COBLL1: variants seen among roughly 807,000 people sequenced by gnomAD.
COBLL1 encodes the protein cordon-bleu WH2 repeat protein like 1.
Under a neutral mutation model 94.8 loss-of-function variants are expected in COBLL1, and 50 were observed. The observed-to-expected ratio is 0.53, with a 90% CI of 0.42 to 0.67. The LOEUF is 0.67. COBLL1 is among the 30% of genes least tolerant of loss of function. COBLL1 has a pLI of 0.00. For synonymous variants in COBLL1, 448 were observed against 473.8 expected (o/e 0.95, Z 0.71); for missense variants, 1,362 against 1,348.7 (o/e 1.01, Z -0.15).
chr2:164,821,755 C>T lies in COBLL1; in HGVS notation c.41+19401G>A, dbSNP rs1158041728. 2.0e-5 allele frequency among the ~76,000 whole-genome samples: 3 copies of T among 152,256 alleles called. 1 individual carries two copies. In the South Asian group the frequency reaches 6.2e-4, roughly 32 times the overall value. On this transcript the variant is annotated intron_variant, in intron 2 of 13. Transcript: ENST00000652658. ...TATCTCTGCATCTTACCTAGTAGAA[C>T]CTTTTCTAATGATTAAGGGCTGAAA...
chr2:164,728,235 C>A (rs755426456), intron 4 of COBLL1, 38 bp from the exon 5 acceptor site: 2 of 1,317,562 alleles, frequency 1.5e-6, no homozygotes, highest in African/African-American at 2.9e-5. Flanking sequence ...TACCATAATT[C>A]ACTGAAACAA....
At chr2:164,660,490 G>C (rs1691053787) in intron 2 of COBLL1, among the ~76,000 whole-genome samples, 1 of 152,134 alleles carries the variant, frequency 6.6e-6, no homozygotes, top group Non-Finnish European at 1.5e-5. Flanking sequence ...TCAAACTGAA[G>C]GCAAAGGAAG....
chr2:164,779,473 T>C (rs552897613), intron 2 of COBLL1, among the ~76,000 whole-genome samples: 3 of 152,244 alleles, frequency 2.0e-5, no homozygotes, highest in East Asian at 1.9e-4. Context: ...CCAAAACTGA[T>C]GAGGTCTTGA....
intron 2 of COBLL1, among the ~76,000 whole-genome samples, chr2:164,779,268 A>C (rs1688624508): frequency 6.6e-6 from 1 of 152,124 alleles, no homozygotes; most frequent in South Asian, 2.1e-4. Flanking sequence ...CAGGTTCTCT[A>C]ATGAGAAAGG....
chr2:164,688,159 A>G (rs985841724), intron 13 of COBLL1, among the ~76,000 whole-genome samples: 13 of 152,224 alleles, frequency 8.5e-5, no homozygotes, highest in Admixed American at 8.5e-4. Context: ...ATACATTTAC[A>G]TACTACAGAA....
intron 7 of COBLL1, 125 bp from the exon 8 acceptor site, chr2:164,705,230 A>T (rs541172468): frequency 1.6e-6 from 1 of 644,052 alleles, no homozygotes; most frequent in Middle Eastern, 2.7e-4. Context: ...ATTCCTTAAA[A>T]ACGTTTATGA....
chr2:164,785,873 G>C (rs1475017607), intron 2 of COBLL1, among the ~76,000 whole-genome samples: 1 of 150,114 alleles, frequency 6.7e-6, no homozygotes, highest in Non-Finnish European at 1.5e-5. Context: ...TGTCTCCTTT[G>C]ATTCAAAATA....
At chr2:164,705,703 G>T (rs1684552988) in intron 7 of COBLL1, among the ~76,000 whole-genome samples, 1 of 152,104 alleles carries the variant, frequency 6.6e-6, no homozygotes, top group African/African-American at 2.4e-5. Flanking sequence ...AAGAATGAAT[G>T]AATGAATGAA....
At chr2:164,761,800 T>A (rs1239599806) in intron 2 of COBLL1, among the ~76,000 whole-genome samples, 2 of 152,186 alleles carry the variant, frequency 1.3e-5, no homozygotes. Flanking sequence ...TTCCAAATCT[T>A]CACTCAAATT....
At position 164,799,042 on chromosome 2, in the gene COBLL1, G is replaced by T. The variant is rs541826439; in HGVS notation, c.41+42114C>A. 5.8e-4 allele frequency among the ~76,000 whole-genome samples: 57 copies of T among 98,738 alleles called. No homozygotes were observed. In the East Asian group the frequency reaches 0.015, roughly 25 times the overall value. 64.8% of individuals were successfully genotyped at this position (98,738 alleles called of 152,430 possible). ...CTCAAAAAAAAAAAAAAAAAAAGAG[G>T]GGGTAAGCAAGTGGTTGCTTACTCT... On this transcript the variant is annotated intron_variant, in intron 2 of 13. Coordinates refer to ENST00000652658, the MANE Select transcript of COBLL1 (RefSeq NM_001365672.2).
rs533535656 is a variant in COBLL1 at position 164,811,672 on chromosome 2, T to C, written c.41+29484A>G. ...AAAGTACATTTTTCAAACCCCTATC[T>C]GAAAGACATTTAGTGAAAGAATCGA... On this transcript the variant is annotated intron_variant, in intron 2 of 13. Coordinates refer to ENST00000652658, the MANE Select transcript of COBLL1 (RefSeq NM_001365672.2). Among the ~76,000 whole-genome samples, 6 of 151,850 alleles carry C rather than the reference T, an allele frequency of 4.0e-5. No individual in the cohort carries two copies. In the East Asian group the frequency reaches 9.7e-4, roughly 24 times the overall value.
intron 2 of COBLL1, among the ~76,000 whole-genome samples, chr2:164,803,770 G>A (rs974924856): frequency 6.6e-6 from 1 of 151,786 alleles, no homozygotes; most frequent in Non-Finnish European, 1.5e-5. Flanking sequence ...TTATACACAC[G>A]AAGACAGCCA....
rs146864861 is a variant in COBLL1 at position 164,715,272 on chromosome 2, C to T, written c.996+6803G>A. Among the ~76,000 whole-genome samples the T allele has an allele frequency of 5.2e-3, 793 of 152,176 alleles. 2 individuals are homozygous for T. The highest frequency in any genetic ancestry group is 8.7e-3 in the Non-Finnish European group (589 of 67,998). On this transcript the variant is annotated intron_variant, in intron 7 of 13. Coordinates refer to ENST00000652658, the MANE Select transcript of COBLL1 (RefSeq NM_001365672.2). ...CATTTCTCTACTGAATGAAACCAGT[C>T]ATATTTTTGGAAGTATAGACAGCTG...
intron 4 of COBLL1, 95 bp from the exon 5 acceptor site, chr2:164,728,292 T>A (rs1685818783): frequency 1.3e-6 from 1 of 744,696 alleles, no homozygotes; most frequent in East Asian, 2.6e-5. Flanking sequence ...TACAGTTACA[T>A]ATTCAAACAA....
intron 2 of COBLL1, among the ~76,000 whole-genome samples, chr2:164,805,324 T>TATA (rs1684052475): frequency 1.8e-5 from 1 of 57,058 alleles, no homozygotes; most frequent in Non-Finnish European, 3.5e-5. Flanking sequence ...TCTCTCTCTC[T>TATA]CTCTCTCTCT....
chr2:164,712,409 G>C (rs1341765073), intron 7 of COBLL1, among the ~76,000 whole-genome samples: 2 of 152,064 alleles, frequency 1.3e-5, no homozygotes, highest in African/African-American at 4.8e-5. Flanking sequence ...ACAATCCCTT[G>C]AAATTGTCTT....
intron 13 of COBLL1, among the ~76,000 whole-genome samples, chr2:164,691,108 T>G (rs1211516206): frequency 1.3e-5 from 2 of 152,138 alleles, no homozygotes. Context: ...CAGCACCCAG[T>G]ATTCTGCCTT....
Position 164,694,514 on chromosome 2 carries a change from C to T in COBLL1, c.2878G>A (p.Ala960Thr), listed in dbSNP as rs751181669. ...PIAPKPVTIP[A>T]SQVSTQNLKT... is the part of the protein sequence containing the mutation. ...AGATTTTGTGTGGATACCTGACTAGCAGGAATTGTCACAGGTTTTGGAGCT... is the reference window on the plus strand; with the variant it reads ...AGATTTTGTGTGGATACCTGACTAGTAGGAATTGTCACAGGTTTTGGAGCT... Residue 960 changes from alanine to threonine, a missense_variant, in exon 12 of 14, where the codon GCT becomes ACT. Coordinates refer to ENST00000652658, the MANE Select transcript of COBLL1 (RefSeq NM_001365672.2). The T allele has an allele frequency of 5.0e-6, 8 of 1,613,938 alleles. No homozygotes were observed. In the Admixed American group the frequency reaches 1.3e-4, roughly 27 times the overall value.
At chr2:164,767,358 CA>C (rs1687984924) in intron 2 of COBLL1, among the ~76,000 whole-genome samples, 1 of 152,056 alleles carries the variant, frequency 6.6e-6, no homozygotes, top group Admixed American at 6.5e-5. Flanking sequence ...GAAAAATTAT[CA>C]AAAAAGGAGG....
Sources: allele counts gnomAD v4.1 joint callset (sites outside exome capture counted in the v4.1 genomes callset), GRCh38; gene constraint gnomAD v4.1.1; transcripts MANE v1.5; gene names NCBI Gene and HGNC (gene_info 2026-07-23, HGNC 2026-07-21).